The following PCLO variants were observed in gnomAD, a reference collection of about 807,000 sequenced individuals.
The protein encoded by PCLO is piccolo presynaptic cytomatrix protein.
Under a neutral mutation model 427.5 loss-of-function variants are expected in PCLO, and 82 were observed. The observed-to-expected ratio is 0.19, with a 90% confidence interval of 0.16 to 0.23. The LOEUF is 0.23. PCLO is among the 10% of genes least tolerant of loss of function. The pLI, the probability that PCLO is intolerant of heterozygous loss-of-function variation, is 1.00. For missense variants in PCLO, 6,239 were observed against 6,115.9 expected (o/e 1.02, Z -0.67); for synonymous variants, 2,357 against 2,155.4 (o/e 1.09, Z -2.59).
At chr7:83,095,385 C>T (rs1790507357) in intron 3 of PCLO, among the ~76,000 whole-genome samples, 1 of 151,628 alleles carries the variant, frequency 6.6e-6, no homozygotes, top group Non-Finnish European at 1.5e-5. Flanking sequence ...TAAAAAGTTC[C>T]TTGTTTTATT....
chr7:83,154,624 CGAA>C, intron 2 of PCLO, 121 bp downstream of exon 2: 1 of 740,944 alleles, frequency 1.3e-6, no homozygotes, highest in Admixed American at 3.0e-5. Context: ...ACAAAACGAA[CGAA>C]GGAGGGGAGA....
intron 6 of PCLO, among the ~76,000 whole-genome samples, chr7:82,921,983 A>C (rs2107826): frequency 0.22 from 32,918 of 152,020 alleles, 4,507 homozygotes; most frequent in East Asian, 0.6. Flanking sequence ...AAAAATGCTC[A>C]ACATCAGTAA....
intron 3 of PCLO, among the ~76,000 whole-genome samples, chr7:83,030,017 C>T (rs1315350202): frequency 1.4e-5 from 2 of 143,174 alleles, no homozygotes; most frequent in Admixed American, 7.1e-5. Flanking sequence ...TGCTAGATGA[C>T]GAGTTAGTGG....
chr7:82,760,813 TC>T (rs768338993), intron 23 of PCLO, 29 bp from the exon 24 acceptor site: 1 of 1,195,578 alleles, frequency 8.4e-7, no homozygotes, highest in South Asian at 1.5e-5. Flanking sequence ...CCCATTAAAT[TC>T]CATCAATCAT....
At chr7:82,862,449 G>A (rs970377696) in intron 10 of PCLO, among the ~76,000 whole-genome samples, 1 of 150,810 alleles carries the variant, frequency 6.6e-6, no homozygotes, top group Admixed American at 6.6e-5. Context: ...CTACTGCTGG[G>A]TATATATCCA....
intron 3 of PCLO, among the ~76,000 whole-genome samples, chr7:83,084,925 G>C (rs1790192953): frequency 6.6e-6 from 1 of 151,860 alleles, no homozygotes; most frequent in South Asian, 2.1e-4. Flanking sequence ...TACTAAAATG[G>C]GATTTGAGAG....
chr7:82,796,873 T>G (rs762602283), intron 22 of PCLO, among the ~76,000 whole-genome samples: 20 of 149,706 alleles, frequency 1.3e-4, no homozygotes, highest in Non-Finnish European at 2.5e-4. Flanking sequence ...CTCTGTAGGA[T>G]CCAAAGTTTT....
chr7:82,954,823 C>G lies in PCLO; in HGVS notation c.6130G>C (p.Asp2044His). 6.2e-7 allele frequency: 1 copy of G among 1,613,718 alleles called. No homozygotes were observed. Among genetic ancestry groups the G allele is most frequent in the Non-Finnish European group, 8.5e-7 (1 of 1,179,742 alleles). ...FIIPESHEIV[D>H]LGTMVTSTEE... ...GTAGAAGTTACCATAGTACCCAGGT[C>G]CACTATCTCATGGCTTTCTGGGATG... The change falls in exon 5 of 25, where the codon GAC becomes CAC. Residue 2044 changes from aspartate (D) to histidine (H), a missense_variant. Transcript: ENST00000333891.
intron 3 of PCLO, among the ~76,000 whole-genome samples, chr7:83,057,827 A>T (rs2116300043): frequency 6.6e-6 from 1 of 152,064 alleles, no homozygotes; most frequent in Middle Eastern, 3.4e-3. Flanking sequence ...TTATAATTCA[A>T]CTCAAAGTAT....
At chr7:82,801,388 T>C (rs1237031224) in intron 22 of PCLO, 130 bp downstream of exon 22, 2 of 532,280 alleles carry the variant, frequency 3.8e-6, no homozygotes, top group Non-Finnish European at 6.8e-6. Flanking sequence ...TAGATAATGA[T>C]ATCTTACTAC....
At chr7:82,979,225 A>C (rs1025327559) in intron 3 of PCLO, among the ~76,000 whole-genome samples, 2 of 151,354 alleles carry the variant, frequency 1.3e-5, no homozygotes, top group East Asian at 3.9e-4. Flanking sequence ...AAAACATATA[A>C]ATAAATAAAT....
rs375147781 is a variant in PCLO at position 82,952,440 on chromosome 7, A to G, written c.8513T>C (p.Ile2838Thr). 32 of 1,613,780 alleles carry G rather than the reference A, an allele frequency of 2.0e-5. No individual in the cohort carries two copies. Among genetic ancestry groups the G allele is most frequent in the Non-Finnish European group, 2.7e-5 (32 of 1,179,834 alleles). The change falls in exon 5 of 25, where the codon ATA (isoleucine) becomes ACA (threonine). Residue 2838 changes from isoleucine to threonine, a missense_variant. By Grantham distance (89) the Ile-to-Thr change is moderately conservative. Coordinates refer to ENST00000333891, the MANE Select transcript of PCLO (RefSeq NM_033026.6). ...TSKHAEPPYR[I>T]PSDQVFPIAR... ...TATAGGAAAGACCTGGTCACTTGGT[A>G]TCCTGTATGGGGGCTCAGCATGCTT...
At chr7:83,143,104 C>T (rs1031256564) in intron 2 of PCLO, among the ~76,000 whole-genome samples, 11 of 152,132 alleles carry the variant, frequency 7.2e-5, no homozygotes, top group Non-Finnish European at 1.2e-4. Flanking sequence ...TGAAGACCTT[C>T]TATTACTTTG....
At chr7:83,136,749 T>TATGC (rs1290632499) in intron 2 of PCLO, among the ~76,000 whole-genome samples, 5 of 152,118 alleles carry the variant, frequency 3.3e-5, no homozygotes, top group Admixed American at 2.0e-4. Context: ...CATGTACATG[T>TATGC]ATGCATGTGA....
chr7:82,953,836 C>T lies in PCLO; in HGVS notation c.7117G>A (p.Ala2373Thr). The T allele has an allele frequency of 1.2e-6, 2 of 1,612,764 alleles. No homozygotes were observed. Among genetic ancestry groups the T allele is most frequent in the South Asian group, 1.1e-5 (1 of 91,000 alleles). Residue 2373 changes from alanine (A) to threonine (T), a missense_variant, in exon 5 of 25, where the codon GCA (alanine) becomes ACA (threonine). Ala to Thr is a moderately conservative substitution (Grantham distance 58). This residue lies in a region of PCLO where 4,677 missense variants were observed against 4,468.4 expected (regional missense o/e 1.05). Coordinates refer to ENST00000333891, the MANE Select transcript of PCLO (RefSeq NM_033026.6). Reference protein sequence around the residue: ...SGETFGQEKPASQLPSGSPSV... With the variant: ...SGETFGQEKPTSQLPSGSPSV... Reference sequence around the variant, plus strand: ...GGACTGCCAGATGGTAACTGAGATGCAGGTTTTTCCTGACCAAAGGTCTCT... The same window carrying T: ...GGACTGCCAGATGGTAACTGAGATGTAGGTTTTTCCTGACCAAAGGTCTCT...
At chr7:82,960,391 T>G in intron 4 of PCLO, among the ~76,000 whole-genome samples, 1 of 152,178 alleles carries the variant, frequency 6.6e-6, no homozygotes, top group East Asian at 1.9e-4. Context: ...TTTTTCATCG[T>G]TTCTGATTAG....
At chr7:83,041,463 T>A (rs1788971287) in intron 3 of PCLO, among the ~76,000 whole-genome samples, 1 of 152,174 alleles carries the variant, frequency 6.6e-6, no homozygotes, top group Non-Finnish European at 1.5e-5. Flanking sequence ...AGCTTAACTT[T>A]CAATTATTTA....
rs530629377 is a variant in PCLO at position 82,820,729 on chromosome 7, T to C, written c.14791+1766A>G. 26 of 1,231,358 alleles carry C rather than the reference T, an allele frequency of 2.1e-5. No individual in the cohort carries two copies. The East Asian group carries it at 6.0e-4, about 28-fold the overall frequency. The allele number at this position is 1,231,358 out of a possible 1,614,324, so 76.3% of individuals were successfully genotyped here. ...TGAAATAATAGGCAAAAAACACTGA[T>C]CCACATTCCAACTGGTAGGCTAACT... On this transcript the variant is annotated intron_variant, in intron 20 of 24. Coordinates refer to ENST00000333891, the MANE Select transcript of PCLO (RefSeq NM_033026.6).
chr7:83,109,697 A>G (rs969152709), intron 3 of PCLO, among the ~76,000 whole-genome samples: 7 of 152,150 alleles, frequency 4.6e-5, no homozygotes, highest in Admixed American at 3.9e-4. Flanking sequence ...TTAAAAGACT[A>G]AAGACAAAAA....
Sources: allele counts gnomAD v4.1 joint callset (sites outside exome capture counted in the v4.1 genomes callset), GRCh38; gene constraint gnomAD v4.1.1; regional missense constraint gnomAD v4.1.1; transcripts MANE v1.5; gene names NCBI Gene and HGNC (gene_info 2026-07-23, HGNC 2026-07-21).